Variants in ATL2 observed in about 807,000 individuals in gnomAD.
ATL2 encodes atlastin GTPase 2.
ATL2 carries 31 observed loss-of-function variants against 73.9 expected under a neutral mutation model. That is an observed-to-expected ratio of 0.42 (90% CI 0.32 to 0.57). ATL2 has a LOEUF of 0.57. Among genes scored for constraint, ATL2 ranks in the 20% least tolerant of loss-of-function variants. The probability of loss-of-function intolerance (pLI) is 0.14; values close to 1 mark genes in which losing one functional copy is unlikely to be tolerated. For missense variants in ATL2, 738 were observed against 702.6 expected (o/e 1.05, Z -0.57); for synonymous variants, 291 against 237.5 (o/e 1.23, Z -2.07).
intron 1 of ATL2, among the ~76,000 whole-genome samples, chr2:38,368,088 C>T (rs747994510): frequency 1.3e-5 from 2 of 151,910 alleles, no homozygotes; most frequent in Non-Finnish European, 2.9e-5. Context: ...GCGCCTGCCA[C>T]CACGCCCGGC....
chr2:38,353,502 A>T (rs1670477591), intron 1 of ATL2, among the ~76,000 whole-genome samples: 1 of 152,212 alleles, frequency 6.6e-6, no homozygotes, highest in Non-Finnish European at 1.5e-5. Context: ...AGGAGAACAA[A>T]GTGAGGCTGG....
At chr2:38,363,824 T>C (rs1406412112) in intron 1 of ATL2, among the ~76,000 whole-genome samples, 1 of 152,216 alleles carries the variant, frequency 6.6e-6, no homozygotes, top group Non-Finnish European at 1.5e-5. Flanking sequence ...ACAAAAAGTA[T>C]AAAAGGATAC....
intron 2 of ATL2, among the ~76,000 whole-genome samples, chr2:38,323,905 A>G (rs1573481193): frequency 6.6e-6 from 1 of 152,334 alleles, no homozygotes; most frequent in African/African-American, 2.4e-5. Flanking sequence ...CACAATGGAT[A>G]GGCTGGAAGA....
At chr2:38,314,812 A>G in intron 5 of ATL2, 148 bp from the exon 6 acceptor site, 3 of 558,588 alleles carry the variant, frequency 5.4e-6, no homozygotes, top group Non-Finnish European at 9.4e-6. Flanking sequence ...CTAGGTATGT[A>G]CAAAATTTCT....
chr2:38,314,362 G>C (rs1197822838), intron 6 of ATL2, among the ~76,000 whole-genome samples: 4 of 152,104 alleles, frequency 2.6e-5, no homozygotes, highest in African/African-American at 9.7e-5. Flanking sequence ...TCTGTTAAGA[G>C]AAACATTACT....
intron 9 of ATL2, 66 bp from the exon 10 acceptor site, chr2:38,300,394 G>A (rs1229981851): frequency 9.1e-6 from 10 of 1,094,638 alleles, no homozygotes; most frequent in Non-Finnish European, 1.4e-5. Context: ...CCCAAAGAAA[G>A]AAAAGTCATT....
Position 38,313,319 on chromosome 2 carries a change from T to C in ATL2, c.712-76A>G, listed in dbSNP as rs1050838802. 40 of 1,032,322 alleles carry C rather than the reference T, an allele frequency of 3.9e-5. No individual in the cohort carries two copies. In the African/African-American group the frequency reaches 6.2e-4, roughly 16 times the overall value. The allele number at this position is 1,032,322 out of a possible 1,614,324, so 63.9% of individuals were successfully genotyped here. ...CGAAAAAATCACAACTCTTAACAAT[T>C]GAAGCCTCTCTTACTCTCCTAAACA... On this transcript the variant is annotated intron_variant, in intron 6 of 12. Coordinates refer to ENST00000378954, the MANE Select transcript of ATL2 (RefSeq NM_001135673.4).
In ATL2 at chr2:38,329,374, G is replaced by C. The variant is rs543825762; in HGVS notation, c.364-10355C>G. Among the ~76,000 whole-genome samples the C allele has an allele frequency of 2.4e-3, 313 of 128,204 alleles. 4 individuals are homozygous for C. Among genetic ancestry groups the C allele is most frequent in the African/African-American group, 8.4e-3 (286 of 33,990 alleles). The allele number at this position is 128,204 out of a possible 152,430, so 84.1% of individuals were successfully genotyped here. A position where few individuals can be genotyped will look rare whatever the true frequency, so the allele number is the denominator to read the frequency against. On this transcript the variant is annotated intron_variant, in intron 2 of 12. Transcript: ENST00000378954. ...ACTCAGGAGGCAGAGGGTGCAGTGGGCCAAGATCATGCCACTGCACCCTAG... is the reference window on the plus strand; with the variant it reads ...ACTCAGGAGGCAGAGGGTGCAGTGGCCCAAGATCATGCCACTGCACCCTAG...
intron 1 of ATL2, among the ~76,000 whole-genome samples, chr2:38,372,795 T>G (rs938466655): frequency 1.3e-5 from 2 of 152,208 alleles, no homozygotes; most frequent in African/African-American, 4.8e-5. Flanking sequence ...GACAGAATAT[T>G]TGGCAGTGGG....
At chr2:38,366,097 G>GAAAAAAAAAAA (rs376873019) in intron 1 of ATL2, among the ~76,000 whole-genome samples, 1 of 102,184 alleles carries the variant, frequency 9.8e-6, no homozygotes, top group African/African-American at 3.6e-5. Context: ...TGACTAATTT[G>GAAAAAAAAAAA]AAAAAAAAAA....
intron 9 of ATL2, among the ~76,000 whole-genome samples, chr2:38,308,758 A>G (rs966544173): frequency 1.2e-4 from 19 of 152,158 alleles, no homozygotes; most frequent in African/African-American, 4.1e-4. Context: ...ATTAAAAATT[A>G]AAAGTAAAAA....
intron 1 of ATL2, among the ~76,000 whole-genome samples, chr2:38,368,164 G>A (rs1671455384): frequency 6.7e-6 from 1 of 150,330 alleles, no homozygotes; most frequent in South Asian, 2.1e-4. Flanking sequence ...TCTATCTCCT[G>A]ACCTCATGAT....
At chr2:38,319,391 G>GA (rs1668196746) in intron 2 of ATL2, among the ~76,000 whole-genome samples, 1 of 152,144 alleles carries the variant, frequency 6.6e-6, no homozygotes, top group Admixed American at 6.6e-5. Flanking sequence ...TTGAGGCCAG[G>GA]AATTTGAGAC....
chr2:38,331,091 G>C (rs1668960837), intron 2 of ATL2, among the ~76,000 whole-genome samples: 1 of 151,996 alleles, frequency 6.6e-6, no homozygotes, highest in African/African-American at 2.4e-5. Flanking sequence ...GAGCGCAGGA[G>C]TTCGAGACAA....
intron 4 of ATL2, among the ~76,000 whole-genome samples, chr2:38,316,848 G>C (rs1322868352): frequency 2.0e-5 from 3 of 152,036 alleles, no homozygotes; most frequent in African/African-American, 7.2e-5. Flanking sequence ...GAGAACTCGA[G>C]AACTCCCTCT....
intron 12 of ATL2, chr2:38,296,669 G>A (rs1223830523): frequency 6.4e-7 from 1 of 1,573,380 alleles, no homozygotes. Context: ...AAGAATTTGA[G>A]ACTGTAGGTT....
chr2:38,317,786 G>C (rs1668104143), intron 4 of ATL2, among the ~76,000 whole-genome samples: 3 of 137,116 alleles, frequency 2.2e-5, no homozygotes, highest in African/African-American at 9.2e-5. Flanking sequence ...CAGATAACAT[G>C]TGATATCTTT....
chr2:38,347,229 C>G (rs935002169), intron 1 of ATL2, among the ~76,000 whole-genome samples: 2 of 152,186 alleles, frequency 1.3e-5, no homozygotes, highest in Non-Finnish European at 2.9e-5. Context: ...AGCCTCCTCT[C>G]CATAGCAGAG....
intron 1 of ATL2, among the ~76,000 whole-genome samples, chr2:38,368,247 C>CT (rs569726038): frequency 0.28 from 38,197 of 137,882 alleles, 5,161 homozygotes; most frequent in South Asian, 0.38. Flanking sequence ...AAAATAAGGA[C>CT]TTTTTTTTTT....
Sources: allele counts gnomAD v4.1 joint callset (sites outside exome capture counted in the v4.1 genomes callset), GRCh38; gene constraint gnomAD v4.1.1; transcripts MANE v1.5; gene names NCBI Gene and HGNC (gene_info 2026-07-23, HGNC 2026-07-21).